The following DIAPH3 variants were observed in gnomAD, a reference collection of about 807,000 sequenced individuals.
The protein encoded by DIAPH3 is protein diaphanous homolog 3.
In DIAPH3, 117 loss-of-function variants were observed where a neutral mutation model predicts 144.3. The ratio of observed to expected loss-of-function variants is 0.81; its 90% confidence interval spans 0.70 to 0.95. The LOEUF is 0.95. Ranked by LOEUF, DIAPH3 falls within the 40% of genes least tolerant of loss-of-function variation. DIAPH3 has a pLI of 0.00. For synonymous variants in DIAPH3, 519 were observed against 488.9 expected (o/e 1.06, Z -0.81); for missense variants, 1,421 against 1,412.7 (o/e 1.01, Z -0.09).
At chr13:60,020,673 C>A (rs2053955574) in intron 5 of DIAPH3, among the ~76,000 whole-genome samples, 1 of 152,132 alleles carries the variant, frequency 6.6e-6, no homozygotes, top group South Asian at 2.1e-4. Flanking sequence ...CCAAGTCAGC[C>A]TTTATTAAAG....
At chr13:60,067,284 CAA>C (rs879713500) in intron 4 of DIAPH3, among the ~76,000 whole-genome samples, 5 of 139,776 alleles carry the variant, frequency 3.6e-5, no homozygotes, top group Non-Finnish European at 4.7e-5. Context: ...GACCCTATAT[CAA>C]AAAAAAAAAA....
intron 27 of DIAPH3, among the ~76,000 whole-genome samples, chr13:59,705,654 G>C (rs1307462109): frequency 6.6e-6 from 1 of 152,150 alleles, no homozygotes; most frequent in Non-Finnish European, 1.5e-5. Flanking sequence ...AAGTACGTTA[G>C]TGTTTTCTTT....
intron 17 of DIAPH3, among the ~76,000 whole-genome samples, chr13:59,931,057 T>C (rs1304403604): frequency 6.6e-6 from 1 of 152,164 alleles, no homozygotes; most frequent in Non-Finnish European, 1.5e-5. Flanking sequence ...TCCTGACATA[T>C]ACGTGCCTAC....
intron 22 of DIAPH3, among the ~76,000 whole-genome samples, chr13:59,852,550 C>G (rs2043036725): frequency 6.6e-6 from 1 of 152,156 alleles, no homozygotes; most frequent in South Asian, 2.1e-4. Flanking sequence ...GTGTTGCAGG[C>G]TGAAGCAGAG....
intron 17 of DIAPH3, among the ~76,000 whole-genome samples, chr13:59,946,661 A>G (rs568411909): frequency 6.6e-5 from 10 of 152,322 alleles, no homozygotes; most frequent in African/African-American, 2.2e-4. Flanking sequence ...GTACTGGCCC[A>G]TGCTTACCTA....
At chr13:60,028,100 CACA>C (rs2054512682) in intron 5 of DIAPH3, among the ~76,000 whole-genome samples, 11 of 152,274 alleles carry the variant, frequency 7.2e-5, no homozygotes, top group African/African-American at 2.6e-4. Flanking sequence ...AAGGCCAATT[CACA>C]TTTCCTTCTT....
At chr13:59,700,412 A>T (rs1457541839) in intron 27 of DIAPH3, among the ~76,000 whole-genome samples, 1 of 152,124 alleles carries the variant, frequency 6.6e-6, no homozygotes, top group Admixed American at 6.6e-5. Flanking sequence ...CCACAGTGAT[A>T]TTTTTTCTGA....
chr13:59,979,968 G>T (rs1397009040), intron 14 of DIAPH3, among the ~76,000 whole-genome samples: 1 of 151,616 alleles, frequency 6.6e-6, no homozygotes, highest in East Asian at 1.9e-4. Flanking sequence ...CTAAGCCAGA[G>T]ATAAAAGGAC....
chr13:60,036,474 T>C (rs1042944671), intron 5 of DIAPH3, among the ~76,000 whole-genome samples: 1 of 152,038 alleles, frequency 6.6e-6, no homozygotes, highest in African/African-American at 2.4e-5. Flanking sequence ...CACAGGCAGC[T>C]AGTGGCTACC....
At chr13:60,142,807 G>C (rs1400475885) in intron 1 of DIAPH3, among the ~76,000 whole-genome samples, 1 of 151,964 alleles carries the variant, frequency 6.6e-6, no homozygotes, top group African/African-American at 2.4e-5. Context: ...GCCCAAGCTG[G>C]AATGCAATGG....
In DIAPH3 at chr13:60,036,096, A is replaced by G. The variant is rs149811082; in HGVS notation, c.626+6594T>C. 4.1e-3 allele frequency among the ~76,000 whole-genome samples: 618 copies of G among 152,268 alleles called. 2 individuals are homozygous for G. Among genetic ancestry groups the G allele is most frequent in the Non-Finnish European group, 6.8e-3 (463 of 68,016 alleles). ...CTGCTAAGCCAGCACTCTCTGCTGA[A>G]GGGAAACCTCCTTAGATCACTCTTC... is the stretch of plus-strand genomic sequence containing the variant. On this transcript the variant is annotated intron_variant, in intron 5 of 27. Coordinates refer to ENST00000400324, the MANE Select transcript of DIAPH3 (RefSeq NM_001042517.2).
intron 27 of DIAPH3, among the ~76,000 whole-genome samples, chr13:59,695,607 A>G (rs1269486064): frequency 1.3e-5 from 2 of 152,212 alleles, no homozygotes; most frequent in Non-Finnish European, 2.9e-5. Context: ...CAAAGAAGAG[A>G]GATCTCCAGT....
chr13:59,982,915 A>C (rs1004553207), intron 13 of DIAPH3, among the ~76,000 whole-genome samples: 2 of 151,556 alleles, frequency 1.3e-5, no homozygotes, highest in African/African-American at 4.8e-5. Flanking sequence ...ATCAGGAAAT[A>C]ATTTTAGTAT....
At chr13:60,042,910 A>G in intron 4 of DIAPH3, 90 bp from the exon 5 acceptor site, 3 of 1,421,762 alleles carry the variant, frequency 2.1e-6, no homozygotes, top group Non-Finnish European at 9.8e-7. Context: ...ACAGCAGCAC[A>G]TAACTACTAT....
chr13:59,725,216 T>C (rs1351305882), intron 27 of DIAPH3, among the ~76,000 whole-genome samples: 3 of 152,220 alleles, frequency 2.0e-5, no homozygotes, highest in Non-Finnish European at 4.4e-5. Flanking sequence ...ATATGGCAGT[T>C]GTTTTTCATA....
chr13:59,874,656 T>C (rs1263589093), intron 21 of DIAPH3, among the ~76,000 whole-genome samples: 1 of 152,144 alleles, frequency 6.6e-6, no homozygotes, highest in Non-Finnish European at 1.5e-5. Flanking sequence ...TCCTACAAAG[T>C]GACAGTATGG....
chr13:60,137,958 AG>A (rs1404887640), intron 1 of DIAPH3, among the ~76,000 whole-genome samples: 2 of 152,072 alleles, frequency 1.3e-5, no homozygotes, highest in African/African-American at 2.4e-5. Context: ...TCCTGACCTC[AG>A]GTGATCCTCC....
intron 25 of DIAPH3, among the ~76,000 whole-genome samples, chr13:59,787,458 G>C (rs566631794): frequency 5.9e-5 from 9 of 152,286 alleles, no homozygotes; most frequent in Non-Finnish European, 1.0e-4. Context: ...GCTCATGCCT[G>C]TACCCTCAGG....
At chr13:59,685,026 C>T (rs1190536299) in intron 27 of DIAPH3, among the ~76,000 whole-genome samples, 1 of 151,976 alleles carries the variant, frequency 6.6e-6, no homozygotes, top group Non-Finnish European at 1.5e-5. Flanking sequence ...AACCTGACAG[C>T]TTTCTCTTAC....
Sources: allele counts gnomAD v4.1 joint callset (sites outside exome capture counted in the v4.1 genomes callset), GRCh38; gene constraint gnomAD v4.1.1; transcripts MANE v1.5; gene names NCBI Gene and HGNC (gene_info 2026-07-23, HGNC 2026-07-21).